Variants in XKR4 observed in about 807,000 individuals in gnomAD.
The protein encoded by XKR4 is XK related 4, also known as XK-related protein 4.
Under a neutral mutation model 53.9 loss-of-function variants are expected in XKR4, and 12 were observed. The observed-to-expected ratio is 0.22, with a 90% CI of 0.14 to 0.36. The LOEUF is 0.36. Among genes scored for constraint, XKR4 ranks in the 10% least tolerant of loss-of-function variants. XKR4 has a pLI of 1.00. For missense variants in XKR4, 799 were observed against 859.5 expected (o/e 0.93, Z 0.88); for synonymous variants, 354 against 362.4 (o/e 0.98, Z 0.26).
chr8:55,384,018 G>A (rs13272375), intron 2 of XKR4, among the ~76,000 whole-genome samples: 2,412 of 152,338 alleles, frequency 0.016, 30 homozygotes, highest in Non-Finnish European at 0.026. Flanking sequence ...TAATCTGCAA[G>A]TCTCCCTTTT....
At chr8:55,135,646 G>C (rs775218499) in intron 1 of XKR4, 1 of 456,146 alleles carries the variant, frequency 2.2e-6, no homozygotes, top group South Asian at 1.5e-5. Flanking sequence ...TCCCTGGATA[G>C]AGGAGTCTTC....
At chr8:55,436,305 C>A (rs935147619) in intron 2 of XKR4, among the ~76,000 whole-genome samples, 4 of 152,122 alleles carry the variant, frequency 2.6e-5, no homozygotes, top group African/African-American at 9.7e-5. Context: ...CCTTCATTAC[C>A]ACAGTCAATT....
chr8:55,539,140 GA>G lies in XKR4; in HGVS notation c.*14916del, dbSNP rs752236434. 5 of 152,144 alleles carry G rather than the reference GA, an allele frequency of 3.3e-5. No individual in the cohort carries two copies. Among genetic ancestry groups the G allele is most frequent in the Non-Finnish European group, 1.5e-5 (1 of 68,012 alleles). The allele number at this position is 152,144 out of a possible 1,614,324, so 9.4% of individuals were successfully genotyped here. On this transcript the variant is annotated 3_prime_UTR_variant, in exon 3 of 3. Transcript: ENST00000327381. ...ATTTAATCCTGATAAGAACTAATGT[GA>G]AATAACATCATTTTGGTTTATAAAT...
At chr8:55,356,844 C>T (rs1803802531) in intron 1 of XKR4, among the ~76,000 whole-genome samples, 1 of 152,140 alleles carries the variant, frequency 6.6e-6, no homozygotes, top group African/African-American at 2.4e-5. Context: ...GACAGCAAAA[C>T]CAACCCCTCC....
intron 1 of XKR4, among the ~76,000 whole-genome samples, chr8:55,188,147 TTAGAGGAGTATA>T (rs1338352462): frequency 6.6e-6 from 1 of 152,184 alleles, no homozygotes; most frequent in African/African-American, 2.4e-5. Flanking sequence ...TCATAGGAAC[TTAGAGGAGTATA>T]TAGTTGAGTT....
At chr8:55,372,985 T>C (rs950136662) in intron 2 of XKR4, among the ~76,000 whole-genome samples, 8 of 152,276 alleles carry the variant, frequency 5.3e-5, no homozygotes, top group Middle Eastern at 3.4e-3. Flanking sequence ...TAAAATCACA[T>C]GGAGATTCAC....
At chr8:55,148,958 GACAAAAGT>G (rs1341009342) in intron 1 of XKR4, among the ~76,000 whole-genome samples, 15 of 152,192 alleles carry the variant, frequency 9.9e-5, no homozygotes, top group Non-Finnish European at 7.3e-5. Flanking sequence ...TGTTATTGAA[GACAAAAGT>G]ACAAATAAGC....
At chr8:55,142,698 C>A (rs1168111970) in intron 1 of XKR4, among the ~76,000 whole-genome samples, 1 of 152,134 alleles carries the variant, frequency 6.6e-6, no homozygotes, top group East Asian at 1.9e-4. Context: ...TAAATAAATC[C>A]AGCAATCTTC....
intron 1 of XKR4, among the ~76,000 whole-genome samples, chr8:55,206,140 C>T (rs1351244316): frequency 1.3e-5 from 2 of 152,230 alleles, no homozygotes; most frequent in Admixed American, 1.3e-4. Context: ...AAAGCGTGAG[C>T]AGCAGCAAGA....
intron 2 of XKR4, among the ~76,000 whole-genome samples, chr8:55,495,188 T>G (rs562546076): frequency 2.0e-5 from 3 of 152,272 alleles, no homozygotes; most frequent in East Asian, 1.9e-4. Context: ...CCCAGACTTG[T>G]CCCCTACTTT....
At chr8:55,137,136 T>A (rs1563465764) in intron 1 of XKR4, among the ~76,000 whole-genome samples, 2 of 152,032 alleles carry the variant, frequency 1.3e-5, no homozygotes, top group African/African-American at 4.8e-5. Flanking sequence ...GACTCCCAGG[T>A]CAACTCCTGG....
At chr8:55,105,896 G>C (rs1228114452) in intron 1 of XKR4, among the ~76,000 whole-genome samples, 3 of 152,140 alleles carry the variant, frequency 2.0e-5, no homozygotes, top group African/African-American at 7.2e-5. Context: ...GGAACTTTGG[G>C]GGAGTAGACG....
intron 1 of XKR4, among the ~76,000 whole-genome samples, chr8:55,282,197 A>G (rs1818853354): frequency 6.6e-6 from 1 of 152,196 alleles, no homozygotes; most frequent in African/African-American, 2.4e-5. Context: ...TCATTTGACT[A>G]CGGACCTCAT....
intron 2 of XKR4, among the ~76,000 whole-genome samples, chr8:55,443,088 T>A (rs986145306): frequency 1.2e-4 from 19 of 152,212 alleles, no homozygotes; most frequent in Non-Finnish European, 1.9e-4. Flanking sequence ...TAACAGACTT[T>A]TTATAGGTAA....
At chr8:55,477,641 G>T (rs1030625314) in intron 2 of XKR4, among the ~76,000 whole-genome samples, 1 of 152,042 alleles carries the variant, frequency 6.6e-6, no homozygotes, top group Admixed American at 6.6e-5. Flanking sequence ...CAATGGCAAA[G>T]AAGTTAAAAA....
At chr8:55,513,000 G>A (rs144844040) in intron 2 of XKR4, among the ~76,000 whole-genome samples, 73 of 152,218 alleles carry the variant, frequency 4.8e-4, no homozygotes, top group African/African-American at 1.4e-3. Flanking sequence ...CACCAGCACC[G>A]CCTCTACTTG....
chr8:55,451,070 CA>C, intron 2 of XKR4: 1 of 522,340 alleles, frequency 1.9e-6, no homozygotes, highest in Non-Finnish European at 3.5e-6. Context: ...CTCACTGCTG[CA>C]AGGGGTCCGG....
intron 2 of XKR4, among the ~76,000 whole-genome samples, chr8:55,466,284 A>T (rs964199224): frequency 5.3e-5 from 8 of 152,088 alleles, no homozygotes; most frequent in African/African-American, 1.9e-4. Context: ...TGGCACATAC[A>T]CCCTGGAATA....
At chr8:55,355,219 A>T (rs536613996) in intron 1 of XKR4, among the ~76,000 whole-genome samples, 8 of 148,834 alleles carry the variant, frequency 5.4e-5, no homozygotes, top group South Asian at 2.1e-4. Context: ...TTTTATATTT[A>T]AAAAAAAAAG....
Sources: allele counts gnomAD v4.1 joint callset (sites outside exome capture counted in the v4.1 genomes callset), GRCh38; gene constraint gnomAD v4.1.1; transcripts MANE v1.5; gene names NCBI Gene and HGNC (gene_info 2026-07-23, HGNC 2026-07-21).